The following PTGES3 variants were observed in gnomAD, a reference collection of about 807,000 sequenced individuals.
PTGES3 encodes the protein prostaglandin E synthase 3.
A neutral mutation model predicts 29.9 loss-of-function variants in PTGES3; 5 were observed. The ratio of observed to expected loss-of-function variants is 0.17; its 90% CI spans 0.09 to 0.35. The LOEUF (loss-of-function observed/expected upper bound fraction) is 0.35. PTGES3 is among the 10% of genes least tolerant of loss of function. PTGES3 has a pLI of 1.00. For missense variants in PTGES3, 128 were observed against 190.0 expected, an observed-to-expected ratio of 0.67 and a Z score of 1.92; for synonymous variants, 49 against 57.8, an observed-to-expected ratio of 0.85 and a Z score of 0.69.
intron 1 of PTGES3, among the ~76,000 whole-genome samples, chr12:56,675,051 C>T (rs1157283758): frequency 6.9e-6 from 1 of 144,302 alleles, no homozygotes; most frequent in Non-Finnish European, 1.5e-5. Flanking sequence ...CCTGTAATCC[C>T]AGCACTTTGG....
At chr12:56,681,914 G>A (rs1952561034) in intron 1 of PTGES3, among the ~76,000 whole-genome samples, 1 of 151,856 alleles carries the variant, frequency 6.6e-6, no homozygotes, top group Non-Finnish European at 1.5e-5. Flanking sequence ...GCGCATTCTC[G>A]GCTCACTGCA....
At chr12:56,668,245 G>C (rs914774911) in intron 5 of PTGES3, among the ~76,000 whole-genome samples, 2 of 152,170 alleles carry the variant, frequency 1.3e-5, no homozygotes, top group African/African-American at 4.8e-5. Flanking sequence ...GAGTAACTGG[G>C]AGTTTCCCTA....
Position 56,664,422 on chromosome 12 carries a change from G to A in PTGES3, c.*57C>T. 1.3e-6 allele frequency: 2 copies of A among 1,574,154 alleles called. No homozygotes were observed. Among genetic ancestry groups the A allele is most frequent in the Non-Finnish European group, 1.7e-6 (2 of 1,152,942 alleles). ...TCAACTCAGGAATTCTCTCAATTAT[G>A]AAATCTTGCAGAGAAGTTATTTTTC... On this transcript the variant is annotated 3_prime_UTR_variant, in exon 8 of 8. Transcript: ENST00000262033.
intron 1 of PTGES3, among the ~76,000 whole-genome samples, chr12:56,674,569 A>AT (rs1057237308): frequency 2.6e-5 from 4 of 151,594 alleles, no homozygotes; most frequent in African/African-American, 9.7e-5. Context: ...GCTCACGCCC[A>AT]TAATCCCAGC....
intron 1 of PTGES3, among the ~76,000 whole-genome samples, chr12:56,681,846 G>C (rs148623319): frequency 0.015 from 2,250 of 151,604 alleles, 28 homozygotes; most frequent in Admixed American, 0.025. Context: ...GACAGAGCAA[G>C]ACTCCATCTC....
At chr12:56,680,277 A>G (rs963597396) in intron 1 of PTGES3, among the ~76,000 whole-genome samples, 6 of 151,774 alleles carry the variant, frequency 4.0e-5, no homozygotes, top group African/African-American at 7.3e-5. Flanking sequence ...AGGTTTTGCA[A>G]TATTGGCCAG....
At chr12:56,687,737 A>G in intron 1 of PTGES3, 2 of 1,365,822 alleles carry the variant, frequency 1.5e-6, no homozygotes, top group Non-Finnish European at 9.4e-7. Context: ...CGAGTAACCC[A>G]GACAGCCAAA....
chr12:56,667,519 A>T (rs1483430625), intron 5 of PTGES3, among the ~76,000 whole-genome samples: 1 of 152,218 alleles, frequency 6.6e-6, no homozygotes, highest in South Asian at 2.1e-4. Flanking sequence ...GTGACAAAAC[A>T]CAATGAAGAA....
At chr12:56,687,563 A>G (rs1952937674) in intron 1 of PTGES3, 1 of 1,020,698 alleles carries the variant, frequency 9.8e-7, no homozygotes, top group Non-Finnish European at 1.2e-6. Flanking sequence ...GGCGGCACCC[A>G]CCACAGGTGC....
chr12:56,682,879 A>T (rs965064110), intron 1 of PTGES3, among the ~76,000 whole-genome samples: 3 of 152,102 alleles, frequency 2.0e-5, no homozygotes, highest in African/African-American at 7.2e-5. Flanking sequence ...CTGTAGTCCC[A>T]GCTACTTGGG....
At chr12:56,687,365 CA>C (rs1952923829) in intron 1 of PTGES3, 4 of 987,754 alleles carry the variant, frequency 4.0e-6, no homozygotes, top group Non-Finnish European at 3.6e-6. Context: ...TGAGTTTTGG[CA>C]ACCTCCCGTG....
At chr12:56,675,521 C>CAAAAAAAAAAAAAA (rs58270146) in intron 1 of PTGES3, among the ~76,000 whole-genome samples, 1 of 92,054 alleles carries the variant, frequency 1.1e-5, no homozygotes, top group African/African-American at 3.4e-5. Context: ...AGAATGAGAC[C>CAAAAAAAAAAAAAA]AAAAAAAAAA....
intron 1 of PTGES3, among the ~76,000 whole-genome samples, chr12:56,674,850 AAAAAT>A: frequency 7.2e-6 from 1 of 139,062 alleles, no homozygotes; most frequent in Non-Finnish European, 1.6e-5. Flanking sequence ...AAAAAAAAAA[AAAAAT>A]TCGCCAGGCG....
intron 1 of PTGES3, among the ~76,000 whole-genome samples, chr12:56,682,687 G>A (rs1952600208): frequency 7.2e-6 from 1 of 139,320 alleles, no homozygotes; most frequent in Non-Finnish European, 1.5e-5. Flanking sequence ...AGACCAACCT[G>A]GACAACACGG....
rs576885659 is a variant in PTGES3, at chr12:56,674,909, C to G, written c.3-1844G>C. Among the ~76,000 whole-genome samples the G allele has an allele frequency of 9.1e-4, 118 of 130,338 alleles. 4 individuals carry two copies. The South Asian group carries it at 0.029, about 32-fold the overall frequency. The allele number at this position is 130,338 out of a possible 152,430, so 85.5% of individuals were successfully genotyped here. A position where few individuals can be genotyped will look rare whatever the true frequency, so the allele number is the denominator to read the frequency against. ...ATCTCAGCTACTCAGGAGGCTGAGT[C>G]AGGAGAATCGCTTGAACCTGGGAAG... On this transcript the variant is annotated intron_variant, in intron 1 of 7. Transcript: ENST00000262033.
At chr12:56,680,537 C>T (rs913356727) in intron 1 of PTGES3, among the ~76,000 whole-genome samples, 5 of 152,052 alleles carry the variant, frequency 3.3e-5, no homozygotes, top group Non-Finnish European at 5.9e-5. Flanking sequence ...AGGCATGTGC[C>T]GTCAGGCCTA....
At chr12:56,683,473 C>CAAAAAAAGAAAAAA (rs1952656965) in intron 1 of PTGES3, among the ~76,000 whole-genome samples, 1 of 29,750 alleles carries the variant, frequency 3.4e-5, no homozygotes. Flanking sequence ...AACTCTGTCT[C>CAAAAAAAGAAAAAA]AAAAAAAAAA....
At chr12:56,665,460 A>G (rs1951751075) in intron 6 of PTGES3, 2 of 923,904 alleles carry the variant, frequency 2.2e-6, no homozygotes. Flanking sequence ...ATGCCCGGCT[A>G]ATTTTTGTAT....
intron 5 of PTGES3, among the ~76,000 whole-genome samples, chr12:56,669,651 C>T (rs147079586): frequency 8.6e-5 from 13 of 151,972 alleles, no homozygotes; most frequent in Non-Finnish European, 1.5e-4. Flanking sequence ...CCCGCTCTTT[C>T]GCCAGGCTGG....
Sources: gnomAD v4.1 joint callset for allele counts (sites outside exome capture counted in the v4.1 genomes callset) on GRCh38, gnomAD v4.1.1 for gene constraint, MANE v1.5 for transcripts, NCBI Gene and HGNC (gene_info 2026-07-23, HGNC 2026-07-21) for gene names.